The following YTHDF2 variants were observed in gnomAD, a reference collection of about 807,000 sequenced individuals.
YTHDF2 encodes the protein YTH N6-methyladenosine RNA binding protein F2, also known as YTH domain-containing family protein 2.
Under a neutral mutation model 50.4 loss-of-function variants are expected in YTHDF2, and 2 were observed. The ratio of observed to expected loss-of-function variants is 0.04; its 90% CI spans 0.02 to 0.12. The LOEUF (loss-of-function observed/expected upper bound fraction) is 0.12, where lower values mean the gene tolerates loss of function less well. Ranked by LOEUF, YTHDF2 falls within the 10% of genes least tolerant of loss-of-function variation. YTHDF2 has a pLI of 1.00. For missense variants in YTHDF2, 483 were observed against 722.6 expected (o/e 0.67, Z 3.80); for synonymous variants, 217 against 255.6 (o/e 0.85, Z 1.44).
At chr1:28,761,667 G>A (rs2088134717) in intron 4 of YTHDF2, among the ~76,000 whole-genome samples, 1 of 152,052 alleles carries the variant, frequency 6.6e-6, no homozygotes, top group African/African-American at 2.4e-5. Context: ...AACCCGGGAA[G>A]TGGAGGTTGC....
At chr1:28,745,073 C>T (rs1009260987) in intron 4 of YTHDF2, among the ~76,000 whole-genome samples, 1 of 152,028 alleles carries the variant, frequency 6.6e-6, no homozygotes, top group Non-Finnish European at 1.5e-5. Context: ...TGATTAATCT[C>T]AAATATAAAA....
intron 4 of YTHDF2, among the ~76,000 whole-genome samples, chr1:28,755,831 T>G (rs1278641722): frequency 6.6e-6 from 1 of 152,170 alleles, no homozygotes; most frequent in Non-Finnish European, 1.5e-5. Context: ...ATTTTCAGAT[T>G]AGGGTTGCTC....
At chr1:28,765,062 G>A (rs1463503762) in intron 4 of YTHDF2, among the ~76,000 whole-genome samples, 2 of 152,036 alleles carry the variant, frequency 1.3e-5, no homozygotes, top group Non-Finnish European at 2.9e-5. Context: ...ATCTTCACCT[G>A]TTACCCAGGC....
chr1:28,753,794 C>G lies in YTHDF2; in HGVS notation c.1716+9808C>G, dbSNP rs538907455. On this transcript the variant is annotated intron_variant, in intron 4 of 4. Coordinates refer to ENST00000373812, the MANE Select transcript of YTHDF2 (RefSeq NM_016258.3). ...CGATCTTGGCTCGCTGCAGCCTCCC[C>G]CTCCCAGGTTCAAGCGATTCTCCTG... Among the ~76,000 whole-genome samples the G allele has an allele frequency of 1.3e-4, 19 of 151,754 alleles. No homozygotes were observed. In the South Asian group the frequency reaches 2.3e-3, roughly 18 times the overall value.
intron 3 of YTHDF2, among the ~76,000 whole-genome samples, chr1:28,741,409 C>T (rs925867890): frequency 2.0e-5 from 3 of 151,950 alleles, no homozygotes; most frequent in African/African-American, 2.4e-5. Context: ...GTAATTCTAC[C>T]GCCTCAGCCT....
intron 2 of YTHDF2, 122 bp downstream of exon 2, chr1:28,737,804 C>T (rs934029333): frequency 1.7e-6 from 2 of 1,162,236 alleles, no homozygotes; most frequent in Non-Finnish European, 2.5e-6. Flanking sequence ...GCAGGTGCCG[C>T]ACACTTAAGT....
chr1:28,745,744 A>AC (rs1244030849), intron 4 of YTHDF2, among the ~76,000 whole-genome samples: 2 of 130,218 alleles, frequency 1.5e-5, no homozygotes, highest in African/African-American at 2.8e-5. Flanking sequence ...CCCAAAAAAA[A>AC]ACTAACATAT....
At chr1:28,764,107 G>A (rs1179839470) in intron 4 of YTHDF2, among the ~76,000 whole-genome samples, 15 of 151,140 alleles carry the variant, frequency 9.9e-5, no homozygotes, top group Admixed American at 8.6e-4. Flanking sequence ...GTGCCACCAC[G>A]CCCAGCTAAT....
intron 4 of YTHDF2, among the ~76,000 whole-genome samples, chr1:28,745,490 T>G (rs556708468): frequency 2.0e-5 from 3 of 152,272 alleles, no homozygotes; most frequent in African/African-American, 7.2e-5. Context: ...TCCCAGCACT[T>G]TGGGAGGCTG....
chr1:28,748,634 A>G lies in YTHDF2; in HGVS notation c.1716+4648A>G, dbSNP rs115696026. 3.6e-3 allele frequency among the ~76,000 whole-genome samples: 545 copies of G among 152,366 alleles called. 7 individuals are homozygous for G. The highest frequency in any genetic ancestry group is 0.013 in the African/African-American group (521 of 41,586). ...TCAAGCATTAGATCTGTCAGGCTTG[A>G]AACTTAGAGCAAATTTTAGTGACAT... On this transcript the variant is annotated intron_variant, in intron 4 of 4. Transcript: ENST00000373812.
chr1:28,742,638 A>G lies in YTHDF2; in HGVS notation c.368A>G (p.Asn123Ser). 1 of 1,614,046 alleles carries G rather than the reference A, an allele frequency of 6.2e-7. No homozygotes were observed. Among genetic ancestry groups the G allele is most frequent in the South Asian group, 1.1e-5 (1 of 91,070 alleles). ...CCATTTCTTGGTCAGCATGGTTTTA[A>G]TTTCTTTCCCAGTGGGATTGACTTC... ...STPFLGQHGFNFFPSGIDFSA... is the reference protein window; with the variant it reads ...STPFLGQHGFSFFPSGIDFSA... Residue 123 changes from asparagine (N) to serine (S), a missense_variant, in exon 4 of 5, where the codon AAT (asparagine) becomes AGT (serine). Physicochemically the swap from Asn to Ser is conservative, Grantham distance 46 (BLOSUM62 1). Coordinates refer to ENST00000373812, the MANE Select transcript of YTHDF2 (RefSeq NM_016258.3).
In YTHDF2 at chr1:28,751,770, A is replaced by G. The variant is rs1305112307; in HGVS notation, c.1716+7784A>G. On this transcript the variant is annotated intron_variant, in intron 4 of 4. Transcript: ENST00000373812. The stretch of plus-strand genomic sequence containing the variant: ...AAGCAGAGGGTTTTAGGAGGACAGC[A>G]AAATGGATAAAATATGGGATAAGAG... Among the ~76,000 whole-genome samples the G allele has an allele frequency of 3.9e-5, 6 of 152,256 alleles. No individual in the cohort carries two copies. The East Asian group carries it at 7.7e-4, about 20-fold the overall frequency.
upstream of YTHDF2, chr1:28,736,815 T>C (rs1174050877): frequency 1.7e-5 from 6 of 358,514 alleles, no homozygotes; most frequent in African/African-American, 6.6e-5. Flanking sequence ...CGTGGGTGAG[T>C]GAATGTGAGA....
At chr1:28,738,215 ATTGTAGGATTGGGACAC>A in intron 2 of YTHDF2, 27 bp from the exon 3 acceptor site, 1 of 1,478,322 alleles carries the variant, frequency 6.8e-7, no homozygotes, top group Non-Finnish European at 9.4e-7. Context: ...TGAAAGGAAG[ATTGTAGGATTGGGACAC>A]TCCTAATTGA....
intron 1 of YTHDF2, 128 bp from the exon 2 acceptor site, chr1:28,737,530 A>T (rs1184196864): frequency 3.1e-6 from 4 of 1,288,502 alleles, no homozygotes; most frequent in Non-Finnish European, 4.3e-6. Flanking sequence ...CTTCCTCACT[A>T]CCATTCCTGA....
In YTHDF2 at chr1:28,742,789, T is replaced by C. The variant is rs759126815; in HGVS notation, c.519T>C (p.Asn173=). 16 of 1,614,050 alleles carry C rather than the reference T, an allele frequency of 9.9e-6. No homozygotes were observed. In the Admixed American group the frequency reaches 1.5e-4, roughly 15 times the overall value. The change falls in exon 4 of 5, where the codon AAT becomes AAC. Residue 173 remains asparagine (N), a synonymous_variant. Transcript: ENST00000373812. ...AMIDGQSAFA[N]ETLNKAPGMN... The stretch of plus-strand genomic sequence containing the variant: ...TTGATGGACAGTCAGCTTTTGCCAA[T>C]GAGACCCTCAATAAGGCTCCTGGCA...
intron 4 of YTHDF2, among the ~76,000 whole-genome samples, chr1:28,766,721 C>T: frequency 6.6e-6 from 1 of 151,956 alleles, no homozygotes; most frequent in East Asian, 1.9e-4. Flanking sequence ...TGTTTACTTA[C>T]CATTAATATT....
intron 4 of YTHDF2, among the ~76,000 whole-genome samples, chr1:28,763,404 G>C: frequency 6.6e-6 from 1 of 152,118 alleles, no homozygotes; most frequent in East Asian, 1.9e-4. Context: ...CTCCTGAGTA[G>C]CTGGGATTAT....
At chr1:28,737,324 C>T (rs1158852137) in intron 1 of YTHDF2, 177 bp downstream of exon 1, 5 of 814,728 alleles carry the variant, frequency 6.1e-6, no homozygotes, top group Non-Finnish European at 9.0e-6. Context: ...CTGTTCTTCC[C>T]GCTTCTCCTC....
Sources: allele counts gnomAD v4.1 joint callset (sites outside exome capture counted in the v4.1 genomes callset), GRCh38; gene constraint gnomAD v4.1.1; transcripts MANE v1.5; gene names NCBI Gene and HGNC (gene_info 2026-07-23, HGNC 2026-07-21).